The following C12orf42 variants were observed in gnomAD, a reference collection of about 807,000 sequenced individuals.
C12orf42 encodes the protein uncharacterized protein C12orf42.
A neutral mutation model predicts 21.6 loss-of-function variants in C12orf42; 25 were observed. The observed-to-expected ratio is 1.16, with a 90% CI of 0.84 to 1.62. The LOEUF is 1.62. Among genes scored for constraint, C12orf42 ranks in the 40% most tolerant of loss-of-function variants. The pLI is 0.00. For missense variants in C12orf42, 483 were observed against 459.3 expected (o/e 1.05, Z -0.47); for synonymous variants, 174 against 175.0 (o/e 0.99, Z 0.05).
chr12:103,361,388 C>A (rs2044091237), intron 4 of C12orf42, among the ~76,000 whole-genome samples: 1 of 152,022 alleles, frequency 6.6e-6, no homozygotes, highest in Non-Finnish European at 1.5e-5. Context: ...CTCTCTAGGT[C>A]CCTGGGAAGC....
chr12:103,541,031 G>A, the C12orf42 span, among the ~76,000 whole-genome samples: 1 of 152,064 alleles, frequency 6.6e-6, no homozygotes, highest in South Asian at 2.1e-4. Context: ...AGCCTCCCGA[G>A]TAGCTGGGAT....
At chr12:103,147,875 C>T in the C12orf42 span, among the ~76,000 whole-genome samples, 4 of 151,928 alleles carry the variant, frequency 2.6e-5, no homozygotes, top group Non-Finnish European at 5.9e-5. Context: ...GACACATGGA[C>T]CAGCAGCAGT....
chr12:103,140,640 T>G, the C12orf42 span, among the ~76,000 whole-genome samples: 3 of 152,122 alleles, frequency 2.0e-5, no homozygotes, highest in Non-Finnish European at 2.9e-5. Context: ...CAGAACAGAT[T>G]GCTGCCTTAC....
intron 4 of C12orf42, among the ~76,000 whole-genome samples, chr12:103,291,188 G>A (rs545888039): frequency 6.6e-6 from 1 of 152,260 alleles, no homozygotes; most frequent in South Asian, 2.1e-4. Flanking sequence ...ACAGAGAAAA[G>A]GCGTATGGCA....
chr12:103,321,773 C>A (rs1289617936), intron 4 of C12orf42, among the ~76,000 whole-genome samples: 3 of 149,720 alleles, frequency 2.0e-5, no homozygotes, highest in African/African-American at 7.4e-5. Context: ...GAACAAAAAA[C>A]CAAACACCAC....
At chr12:103,391,772 G>T (rs1298793582) in intron 3 of C12orf42, among the ~76,000 whole-genome samples, 1 of 151,688 alleles carries the variant, frequency 6.6e-6, no homozygotes, top group East Asian at 1.9e-4. Context: ...TCCCATTTCT[G>T]TAAGTTGTCT....
At chr12:103,442,294 G>A (rs149567236) in intron 2 of C12orf42, among the ~76,000 whole-genome samples, 175 of 152,232 alleles carry the variant, frequency 1.1e-3, no homozygotes, top group African/African-American at 3.7e-3. Flanking sequence ...AGCAAGGAGC[G>A]ATACGATTGA....
At chr12:103,539,993 T>TTTTTTGTTTTTGTTTTTGTTTTTG in the C12orf42 span, among the ~76,000 whole-genome samples, 1 of 150,924 alleles carries the variant, frequency 6.6e-6, no homozygotes. Flanking sequence ...CATGAGGTCG[T>TTTTTTGTTTTTGTTTTTGTTTTTG]TTTTTGTTTT....
At chr12:103,276,309 T>C (rs992294489) in intron 5 of C12orf42, among the ~76,000 whole-genome samples, 6 of 152,188 alleles carry the variant, frequency 3.9e-5, no homozygotes, top group Non-Finnish European at 5.9e-5. Context: ...TCTTTAAGGA[T>C]GGAAACAAAG....
chr12:103,226,377 G>C, the C12orf42 span, among the ~76,000 whole-genome samples: 3 of 152,172 alleles, frequency 2.0e-5, no homozygotes, highest in South Asian at 2.1e-4. Context: ...AGCAGATTGG[G>C]TAATAAAATG....
chr12:103,141,529 C>CTTTT, the C12orf42 span, among the ~76,000 whole-genome samples: 5 of 125,800 alleles, frequency 4.0e-5, no homozygotes, highest in Non-Finnish European at 6.7e-5. Context: ...AATAATAACA[C>CTTTT]TTTTTTTTTT....
At chr12:103,492,318 T>C (rs1312261689) in intron 1 of C12orf42, among the ~76,000 whole-genome samples, 3 of 152,206 alleles carry the variant, frequency 2.0e-5, no homozygotes, top group Non-Finnish European at 4.4e-5. Context: ...ATCCAGCAAT[T>C]TGCATCTTAC....
At chr12:103,158,757 G>A in the C12orf42 span, among the ~76,000 whole-genome samples, 1 of 151,780 alleles carries the variant, frequency 6.6e-6, no homozygotes, top group African/African-American at 2.4e-5. Flanking sequence ...GCAGGCGCCT[G>A]TAATCCCAGC....
rs186192872 is a variant in C12orf42, at chr12:103,404,266, G to A, written c.79-2591C>T. 8.5e-5 allele frequency among the ~76,000 whole-genome samples: 13 copies of A among 152,310 alleles called. No individual in the cohort carries two copies. In the East Asian group the frequency reaches 1.7e-3, roughly 20 times the overall value. On this transcript the variant is annotated intron_variant, in intron 2 of 5. Coordinates refer to ENST00000548883, the MANE Select transcript of C12orf42 (RefSeq NM_198521.5). ...TTTACCTTGAACTTTTAAGCAAGAC[G>A]AGGAGTCCAGAAAGAAACAGACTAG...
the C12orf42 span, among the ~76,000 whole-genome samples, chr12:103,170,186 G>T: frequency 6.6e-6 from 1 of 152,074 alleles, no homozygotes; most frequent in Non-Finnish European, 1.5e-5. Context: ...GAGTGTCCCA[G>T]ATTTCCATTG....
the C12orf42 span, among the ~76,000 whole-genome samples, chr12:103,154,640 T>C: frequency 6.6e-6 from 1 of 152,158 alleles, no homozygotes; most frequent in Non-Finnish European, 1.5e-5. Context: ...CTGTTTTGGA[T>C]ATAAAAAGGT....
the C12orf42 span, among the ~76,000 whole-genome samples, chr12:103,127,179 A>G: frequency 2.0e-5 from 3 of 152,250 alleles, no homozygotes; most frequent in Non-Finnish European, 4.4e-5. Context: ...AAAGGTCATC[A>G]GCCAAGAAAT....
the C12orf42 span, among the ~76,000 whole-genome samples, chr12:103,531,034 C>T: frequency 2.6e-5 from 4 of 152,116 alleles, no homozygotes; most frequent in African/African-American, 9.7e-5. Context: ...CCACATTGCC[C>T]AACAATTCCA....
chr12:103,374,036 C>T (rs1178621061), intron 3 of C12orf42, among the ~76,000 whole-genome samples: 7 of 152,104 alleles, frequency 4.6e-5, no homozygotes, highest in Non-Finnish European at 7.3e-5. Context: ...AACCTACTGC[C>T]AAGTATTGTG....
Sources: allele counts gnomAD v4.1 joint callset (sites outside exome capture counted in the v4.1 genomes callset), GRCh38; gene constraint gnomAD v4.1.1; transcripts MANE v1.5; gene names NCBI Gene and HGNC (gene_info 2026-07-23, HGNC 2026-07-21).